The following TMEM38B variants were observed in gnomAD, a reference collection of about 807,000 sequenced individuals.
The protein encoded by TMEM38B is transmembrane protein 38B.
A neutral mutation model predicts 28.7 loss-of-function variants in TMEM38B; 24 were observed. The ratio of observed to expected loss-of-function variants is 0.84; its 90% CI spans 0.61 to 1.18. The LOEUF is 1.18. Ranked by LOEUF, TMEM38B falls within the 50% of genes most tolerant of loss-of-function variation. The pLI, the probability that TMEM38B is intolerant of heterozygous loss-of-function variation, is 0.00. For missense variants in TMEM38B, 380 were observed against 350.9 expected (o/e 1.08, Z -0.66); for synonymous variants, 131 against 127.7 (o/e 1.03, Z -0.17).
chr9:105,753,386 G>A (rs1174465573), intron 5 of TMEM38B, among the ~76,000 whole-genome samples: 1 of 151,998 alleles, frequency 6.6e-6, no homozygotes, highest in Non-Finnish European at 1.5e-5. Context: ...AGGTCGAAAT[G>A]AAAGAAAAAA....
chr9:105,746,304 GT>G (rs1167467246), intron 4 of TMEM38B, among the ~76,000 whole-genome samples: 1 of 152,116 alleles, frequency 6.6e-6, no homozygotes. Context: ...TCCCTTATAA[GT>G]GGGATTCCTA....
At chr9:105,717,150 AC>A (rs1836131203) in intron 2 of TMEM38B, among the ~76,000 whole-genome samples, 1 of 151,994 alleles carries the variant, frequency 6.6e-6, no homozygotes, top group Non-Finnish European at 1.5e-5. Context: ...TCTTCTCAGA[AC>A]CCTTACCATT....
At chr9:105,763,945 G>GCA (rs1838163647) in intron 5 of TMEM38B, among the ~76,000 whole-genome samples, 1 of 150,864 alleles carries the variant, frequency 6.6e-6, no homozygotes, top group African/African-American at 2.4e-5. Context: ...ATCAATAAAT[G>GCA]TAATCCAGCA....
At chr9:105,696,479 G>A (rs1490766406) in intron 1 of TMEM38B, among the ~76,000 whole-genome samples, 2 of 152,096 alleles carry the variant, frequency 1.3e-5, no homozygotes, top group African/African-American at 4.8e-5. Flanking sequence ...TGGAGACGGG[G>A]TTTCGCCATG....
At chr9:105,714,481 C>T (rs1267589394) in intron 2 of TMEM38B, among the ~76,000 whole-genome samples, 1 of 152,122 alleles carries the variant, frequency 6.6e-6, no homozygotes, top group African/African-American at 2.4e-5. Flanking sequence ...ATTTGGAAAC[C>T]AGCTATACAG....
In TMEM38B at chr9:105,760,024, G is replaced by C. The variant is rs1047244976; in HGVS notation, c.660+11834G>C. The C allele has an allele frequency of 3.6e-6, 5 of 1,389,656 alleles. No individual in the cohort carries two copies. In the African/African-American group the frequency reaches 7.3e-5, roughly 20 times the overall value. The allele number at this position is 1,389,656 out of a possible 1,614,324, so 86.1% of individuals were successfully genotyped here. A position where few individuals can be genotyped will look rare whatever the true frequency, so the allele number is the denominator to read the frequency against. On this transcript the variant is annotated intron_variant, in intron 5 of 5. Coordinates refer to ENST00000374692, the MANE Select transcript of TMEM38B (RefSeq NM_018112.3). ...TAAAAGACTCTGCAAAAGTTCAATA[G>C]AATTTTCAGAAAATTCTTTACTTCC...
chr9:105,720,792 G>C (rs1836289024), intron 2 of TMEM38B, among the ~76,000 whole-genome samples: 1 of 152,062 alleles, frequency 6.6e-6, no homozygotes, highest in Non-Finnish European at 1.5e-5. Context: ...TTGGAGAATG[G>C]AGAGAAAAAA....
chr9:105,744,747 C>G (rs533220658), intron 4 of TMEM38B, among the ~76,000 whole-genome samples: 1 of 152,070 alleles, frequency 6.6e-6, no homozygotes, highest in Non-Finnish European at 1.5e-5. Flanking sequence ...TTCCCCCACC[C>G]CATGACAGGC....
At chr9:105,726,193 A>G (rs1288050500) in intron 4 of TMEM38B, among the ~76,000 whole-genome samples, 8 of 152,138 alleles carry the variant, frequency 5.3e-5, no homozygotes, top group African/African-American at 1.9e-4. Context: ...ATTGTTAACT[A>G]TATTGTACTA....
chr9:105,756,005 C>G (rs1837817532), intron 5 of TMEM38B, among the ~76,000 whole-genome samples: 3 of 152,002 alleles, frequency 2.0e-5, no homozygotes, highest in African/African-American at 7.2e-5. Context: ...CCAAGGTTGG[C>G]AGATCTCTAG....
chr9:105,747,402 T>A lies in TMEM38B; in HGVS notation c.543-671T>A, dbSNP rs540195639. 1.8e-3 allele frequency among the ~76,000 whole-genome samples: 269 copies of A among 152,330 alleles called. 1 individual carries two copies. Among genetic ancestry groups the A allele is most frequent in the Admixed American group, 3.5e-3 (54 of 15,304 alleles). On this transcript the variant is annotated intron_variant, in intron 4 of 5. Transcript: ENST00000374692. ...GTATTCTCTGATGGTAGTTTGTATT[T>A]CTGTGGGATCGGTGGTGATATCCCC...
At chr9:105,696,756 G>A (rs998242642) in intron 1 of TMEM38B, among the ~76,000 whole-genome samples, 4 of 152,222 alleles carry the variant, frequency 2.6e-5, no homozygotes, top group Admixed American at 6.5e-5. Flanking sequence ...AACCAGAGAT[G>A]TGTAGGACAG....
At chr9:105,703,173 G>A (rs879484061) in intron 1 of TMEM38B, among the ~76,000 whole-genome samples, 21 of 152,122 alleles carry the variant, frequency 1.4e-4, no homozygotes, top group Admixed American at 1.2e-3. Context: ...CTAAATGCCA[G>A]TACATTAAAA....
At chr9:105,768,055 C>G (rs1414825263) in intron 5 of TMEM38B, among the ~76,000 whole-genome samples, 2 of 152,010 alleles carry the variant, frequency 1.3e-5, no homozygotes, top group Non-Finnish European at 2.9e-5. Flanking sequence ...AAGATATTAG[C>G]TATTAAGCAT....
chr9:105,701,988 G>A (rs1445161664), intron 1 of TMEM38B, among the ~76,000 whole-genome samples: 1 of 152,144 alleles, frequency 6.6e-6, no homozygotes, highest in African/African-American at 2.4e-5. Context: ...GCTGAGGCAG[G>A]AGGATCACTT....
At chr9:105,712,932 T>G (rs1835957263) in intron 2 of TMEM38B, among the ~76,000 whole-genome samples, 1 of 152,190 alleles carries the variant, frequency 6.6e-6, no homozygotes, top group Admixed American at 6.5e-5. Flanking sequence ...CAAAGGGAGC[T>G]TGCATGGCAA....
intron 2 of TMEM38B, among the ~76,000 whole-genome samples, chr9:105,712,623 C>T (rs1296306618): frequency 2.0e-5 from 3 of 152,258 alleles, no homozygotes; most frequent in African/African-American, 7.2e-5. Context: ...GTGACATTAG[C>T]ACCCTTTTAC....
At chr9:105,772,491 T>C (rs1367147912) in intron 5 of TMEM38B, among the ~76,000 whole-genome samples, 6 of 152,152 alleles carry the variant, frequency 3.9e-5, no homozygotes, top group Admixed American at 2.6e-4. Flanking sequence ...TTCAGCTTTT[T>C]TTCTCTTGAA....
intron 2 of TMEM38B, chr9:105,710,380 A>T: frequency 1.2e-6 from 1 of 815,906 alleles, no homozygotes; most frequent in African/African-American, 1.7e-5. Flanking sequence ...TGTTATGAAA[A>T]GACTGACTTC....
Sources: gnomAD v4.1 joint callset for allele counts (sites outside exome capture counted in the v4.1 genomes callset) on GRCh38, gnomAD v4.1.1 for gene constraint, MANE v1.5 for transcripts, NCBI Gene and HGNC (gene_info 2026-07-23, HGNC 2026-07-21) for gene names.